WAPL: variants seen among roughly 807,000 people sequenced by gnomAD.
The protein encoded by WAPL is WAPL cohesin release factor.
Under a neutral mutation model 121.0 loss-of-function variants are expected in WAPL, and 5 were observed. That is an observed-to-expected ratio of 0.04 (90% confidence interval 0.02 to 0.09). The LOEUF (loss-of-function observed/expected upper bound fraction) is 0.09. Ranked by LOEUF, WAPL falls within the 10% of genes least tolerant of loss-of-function variation. WAPL has a pLI of 1.00. For synonymous variants in WAPL, 480 were observed against 481.5 expected (o/e 1.00, Z 0.04); for missense variants, 999 against 1,410.8 (o/e 0.71, Z 4.68).
intron 4 of WAPL, 60 bp from the exon 5 acceptor site, chr10:86,474,033 A>C: frequency 7.4e-7 from 1 of 1,346,584 alleles, no homozygotes; most frequent in Non-Finnish European, 1.1e-6. Context: ...TCAACTAAAA[A>C]TCATAAAGAA....
At chr10:86,471,147 T>C (rs1450422508) in intron 7 of WAPL, 44 bp from the exon 8 acceptor site, 1 of 1,541,878 alleles carries the variant, frequency 6.5e-7, no homozygotes, top group Non-Finnish European at 8.9e-7. Context: ...AAACAGCTAG[T>C]ACATTAGTTT....
rs1849308918 is a variant in WAPL, at chr10:86,435,904, T to C, written c.*1639A>G. The C allele has an allele frequency of 6.6e-6, 1 of 152,236 alleles. No homozygotes were observed. The highest frequency in any genetic ancestry group is 2.4e-5 in the African/African-American group (1 of 41,472). The allele number at this position is 152,236 out of a possible 1,614,324, so 9.4% of individuals were successfully genotyped here. A position where few individuals can be genotyped will look rare whatever the true frequency, so the allele number is the denominator to read the frequency against. ...CTAATTTAATTTTACGGGTATCATTTACCAATATGTTTTTAAAAGTATTTT... is the reference window on the plus strand; with the variant it reads ...CTAATTTAATTTTACGGGTATCATTCACCAATATGTTTTTAAAAGTATTTT... On this transcript the variant is annotated 3_prime_UTR_variant, in exon 19 of 19. Coordinates refer to ENST00000298767, the MANE Select transcript of WAPL (RefSeq NM_015045.5).
At position 86,468,029 on chromosome 10, in the gene WAPL, G is replaced by A. The variant is rs554996212; in HGVS notation, c.2143-523C>T. Among the ~76,000 whole-genome samples, 56 of 151,912 alleles carry A rather than the reference G, an allele frequency of 3.7e-4. 2 individuals are homozygous for A. The South Asian group carries it at 3.7e-3, about 10-fold the overall frequency. On this transcript the variant is annotated intron_variant, in intron 8 of 18. Transcript: ENST00000298767. ...ATGTTTAAAAAAATAAAATGCTGTT[G>A]CTTAAAATTTACCTTTCAATGGATC... is the stretch of plus-strand genomic sequence containing the variant.
At position 86,467,465 on chromosome 10, in the gene WAPL, A is replaced by G. The variant is rs1343665335; in HGVS notation, c.2184T>C (p.Ser728=). 6.2e-7 allele frequency: 1 copy of G among 1,613,876 alleles called. No individual in the cohort carries two copies. Among genetic ancestry groups the G allele is most frequent in the Non-Finnish European group, 8.5e-7 (1 of 1,180,010 alleles). ...CAAGATCCATGTTCAAACGATCTCT[A>G]CTCAGTATATACATGAGGGCAGCTG... ...LCTAALMYIL[S]RDRLNMDLDR... The change falls in exon 9 of 19, where the codon AGT becomes AGC. Residue 728 remains serine (S), a synonymous_variant. Transcript: ENST00000298767.
chr10:86,460,589 C>T (rs1029397935), intron 10 of WAPL, 93 bp from the exon 11 acceptor site: 6 of 962,202 alleles, frequency 6.2e-6, no homozygotes, highest in African/African-American at 3.3e-5. Context: ...TCTGTACACA[C>T]GCTATGAACA....
chr10:86,455,222 G>A (rs1328706962), intron 12 of WAPL, among the ~76,000 whole-genome samples: 6 of 152,230 alleles, frequency 3.9e-5, no homozygotes, highest in African/African-American at 9.6e-5. Context: ...CCATGATGAC[G>A]ATGGCAGTTT....
At chr10:86,521,021 T>G (rs1281552304) in intron 1 of WAPL, among the ~76,000 whole-genome samples, 1 of 151,372 alleles carries the variant, frequency 6.6e-6, no homozygotes, top group Non-Finnish European at 1.5e-5. Context: ...GAAAGGGAGG[T>G]CACTTTCGAC....
intron 4 of WAPL, among the ~76,000 whole-genome samples, chr10:86,488,727 T>C (rs1841978600): frequency 6.6e-6 from 1 of 152,132 alleles, no homozygotes; most frequent in Non-Finnish European, 1.5e-5. Flanking sequence ...AATAACTAAA[T>C]GAATACATAT....
At chr10:86,469,952 C>A (rs1047399481) in intron 8 of WAPL, among the ~76,000 whole-genome samples, 1 of 152,104 alleles carries the variant, frequency 6.6e-6, no homozygotes, top group African/African-American at 2.4e-5. Context: ...GATCTGAACT[C>A]CTGAGCTCAA....
chr10:86,478,565 G>C (rs1841712032), intron 4 of WAPL, among the ~76,000 whole-genome samples: 1 of 151,868 alleles, frequency 6.6e-6, no homozygotes, highest in Admixed American at 6.6e-5. Flanking sequence ...TTCAATACTA[G>C]TAATCTTAAA....
chr10:86,496,789 G>A (rs1842158952), intron 4 of WAPL, among the ~76,000 whole-genome samples: 1 of 152,108 alleles, frequency 6.6e-6, no homozygotes, highest in Admixed American at 6.5e-5. Flanking sequence ...TTTTGTATCT[G>A]GTTTATGATG....
At chr10:86,502,097 C>T (rs961446147) in intron 2 of WAPL, among the ~76,000 whole-genome samples, 4 of 152,204 alleles carry the variant, frequency 2.6e-5, no homozygotes, top group African/African-American at 9.7e-5. Context: ...CCAGCAGTTT[C>T]ATTTACAAGT....
At position 86,453,207 on chromosome 10, in the gene WAPL, C is replaced by G; in HGVS notation, c.2949+13G>C. Reference sequence around the variant, plus strand: ...ATATGATACTCATTTCTGAAAAAGTCATTTCAACTTACCAGCACTCGAATA... The same window carrying G: ...ATATGATACTCATTTCTGAAAAAGTGATTTCAACTTACCAGCACTCGAATA... On this transcript the variant is annotated intron_variant, in intron 14 of 18. Coordinates refer to ENST00000298767, the MANE Select transcript of WAPL (RefSeq NM_015045.5). 1 of 1,613,094 alleles carries G rather than the reference C, an allele frequency of 6.2e-7. No homozygotes were observed. The highest frequency in any genetic ancestry group is 1.1e-5 in the South Asian group (1 of 90,964).
chr10:86,453,409 C>G, intron 13 of WAPL, 74 bp from the exon 14 acceptor site: 1 of 1,452,870 alleles, frequency 6.9e-7, no homozygotes, highest in Non-Finnish European at 9.6e-7. Context: ...GATTTATTAA[C>G]ATGGATATTA....
intron 15 of WAPL, among the ~76,000 whole-genome samples, chr10:86,449,607 C>G (rs1459224943): frequency 6.6e-6 from 1 of 152,154 alleles, no homozygotes; most frequent in African/African-American, 2.4e-5. Context: ...AACTCACAAA[C>G]AGGGATCTCT....
chr10:86,462,878 GGCAAA>G (rs1285120361), intron 9 of WAPL, among the ~76,000 whole-genome samples: 3 of 152,142 alleles, frequency 2.0e-5, no homozygotes, highest in Non-Finnish European at 4.4e-5. Context: ...GAGTCATACA[GGCAAA>G]GCTGAAGCCT....
At chr10:86,504,242 G>GA (rs1454555435) in intron 2 of WAPL, among the ~76,000 whole-genome samples, 1 of 151,210 alleles carries the variant, frequency 6.6e-6, no homozygotes, top group African/African-American at 2.4e-5. Context: ...TATCTATAAT[G>GA]AATTAAATAA....
intron 8 of WAPL, 142 bp from the exon 9 acceptor site, chr10:86,467,648 A>C (rs1242820572): frequency 3.2e-6 from 2 of 632,926 alleles, no homozygotes; most frequent in Non-Finnish European, 4.9e-6. Context: ...AACTTCAAAA[A>C]CGTTTTATTC....
rs1464763675 is a variant in WAPL, at chr10:86,436,828, G to T, written c.*715C>A. 2.0e-5 allele frequency: 3 copies of T among 152,506 alleles called. No individual in the cohort carries two copies. Among genetic ancestry groups the T allele is most frequent in the African/African-American group, 7.2e-5 (3 of 41,398 alleles). The allele number at this position is 152,506 out of a possible 1,614,324, so 9.4% of individuals were successfully genotyped here. A position where few individuals can be genotyped will look rare whatever the true frequency, so the allele number is the denominator to read the frequency against. Reference sequence around the variant, plus strand: ...ATTCTCTCAAACTGTTGTTTTTCTTGTGCCTATAGCTATGACACATTATGG... The same window carrying T: ...ATTCTCTCAAACTGTTGTTTTTCTTTTGCCTATAGCTATGACACATTATGG... On this transcript the variant is annotated 3_prime_UTR_variant, in exon 19 of 19. Coordinates refer to ENST00000298767, the MANE Select transcript of WAPL (RefSeq NM_015045.5).
Sources: allele counts gnomAD v4.1 joint callset (sites outside exome capture counted in the v4.1 genomes callset), GRCh38; gene constraint gnomAD v4.1.1; transcripts MANE v1.5; gene names NCBI Gene and HGNC (gene_info 2026-07-23, HGNC 2026-07-21).